GRIN3A: variants seen among roughly 807,000 people sequenced by gnomAD.
GRIN3A encodes the protein glutamate receptor ionotropic, NMDA 3A.
In GRIN3A, 47 loss-of-function variants were observed where a neutral mutation model predicts 92.4. That is an observed-to-expected ratio of 0.51 (90% CI 0.40 to 0.65). The LOEUF is 0.65. GRIN3A is among the 30% of genes least tolerant of loss of function. The pLI, the probability that GRIN3A is intolerant of heterozygous loss-of-function variation, is 0.00. For synonymous variants in GRIN3A, 527 were observed against 540.6 expected (o/e 0.97, Z 0.35); for missense variants, 1,324 against 1,393.1 (o/e 0.95, Z 0.79).
chr9:101,676,848 A>C (rs1829403120), intron 2 of GRIN3A, among the ~76,000 whole-genome samples: 1 of 147,812 alleles, frequency 6.8e-6, no homozygotes, highest in Non-Finnish European at 1.5e-5. Flanking sequence ...AATATTCTTA[A>C]ACCTTCCCCT....
intron 6 of GRIN3A, among the ~76,000 whole-genome samples, chr9:101,610,028 A>G (rs531236714): frequency 6.0e-4 from 92 of 152,314 alleles, no homozygotes; most frequent in African/African-American, 2.2e-3. Context: ...GAATCACTTG[A>G]AGATGTTGAC....
chr9:101,626,906 C>T (rs1828640902), intron 4 of GRIN3A, among the ~76,000 whole-genome samples: 1 of 152,272 alleles, frequency 6.6e-6, no homozygotes, highest in Admixed American at 6.5e-5. Context: ...AGATTGCTTC[C>T]CTTCAGGCTA....
chr9:101,652,619 G>C lies in GRIN3A; in HGVS notation c.2352+17441C>G, dbSNP rs145535366. 2.5e-4 allele frequency among the ~76,000 whole-genome samples: 38 copies of C among 152,066 alleles called. No individual in the cohort carries two copies. In the East Asian group the frequency reaches 7.4e-3, roughly 30 times the overall value. On this transcript the variant is annotated intron_variant, in intron 3 of 8. Coordinates refer to ENST00000361820, the MANE Select transcript of GRIN3A (RefSeq NM_133445.3). ...CAAAAAATCCCAGGCAGTAAGCCCT[G>C]TATAATGCCCTGCAGCTGTAGTTTT...
intron 6 of GRIN3A, among the ~76,000 whole-genome samples, chr9:101,589,442 G>A (rs1481915570): frequency 2.0e-5 from 3 of 152,058 alleles, no homozygotes; most frequent in Non-Finnish European, 4.4e-5. Flanking sequence ...TGCCTAGAAG[G>A]CTTCTATTTT....
intron 1 of GRIN3A, among the ~76,000 whole-genome samples, chr9:101,723,192 G>A (rs968724756): frequency 3.9e-5 from 6 of 152,330 alleles, no homozygotes; most frequent in Non-Finnish European, 7.3e-5. Flanking sequence ...CCCTCGCGGT[G>A]AGTGTTACAG....
chr9:101,595,016 TG>T, intron 6 of GRIN3A: 2 of 1,333,642 alleles, frequency 1.5e-6, no homozygotes, highest in Non-Finnish European at 2.0e-6. Flanking sequence ...GGTTGGGCCA[TG>T]GGGTGGGGGT....
chr9:101,599,092 G>T (rs371162701), intron 6 of GRIN3A, among the ~76,000 whole-genome samples: 5 of 152,192 alleles, frequency 3.3e-5, no homozygotes, highest in African/African-American at 1.2e-4. Flanking sequence ...TACCTTATTA[G>T]CTGTGAGCCT....
At chr9:101,689,974 G>T (rs1469816503) in intron 1 of GRIN3A, among the ~76,000 whole-genome samples, 1 of 152,052 alleles carries the variant, frequency 6.6e-6, no homozygotes, top group African/African-American at 2.4e-5. Flanking sequence ...TTTCCATATT[G>T]TTTTTCTCCT....
chr9:101,690,199 AT>A (rs1829597197), intron 1 of GRIN3A, among the ~76,000 whole-genome samples: 2 of 152,162 alleles, frequency 1.3e-5, no homozygotes, highest in African/African-American at 4.8e-5. Flanking sequence ...ATTATGGTAT[AT>A]TATTTATATT....
intron 6 of GRIN3A, among the ~76,000 whole-genome samples, chr9:101,602,048 C>T (rs1343101546): frequency 6.6e-6 from 1 of 152,114 alleles, no homozygotes; most frequent in Non-Finnish European, 1.5e-5. Context: ...CGTGCATTGG[C>T]TTCCCTGGCC....
At chr9:101,623,248 T>C in intron 5 of GRIN3A, 70 bp downstream of exon 5, 1 of 1,012,068 alleles carries the variant, frequency 9.9e-7, no homozygotes, top group Non-Finnish European at 1.6e-6. Context: ...ACTTTGGCAT[T>C]TGTGACTTTC....
chr9:101,727,545 T>G, intron 1 of GRIN3A, among the ~76,000 whole-genome samples: 1 of 152,102 alleles, frequency 6.6e-6, no homozygotes, highest in South Asian at 2.1e-4. Context: ...GACTCTACAT[T>G]TCTAAAGTTA....
chr9:101,637,402 G>A (rs1324761797), intron 3 of GRIN3A, among the ~76,000 whole-genome samples: 1 of 152,158 alleles, frequency 6.6e-6, no homozygotes, highest in African/African-American at 2.4e-5. Flanking sequence ...TTTACAGGTG[G>A]GAGCTAGGGC....
chr9:101,674,258 A>G (rs997095689), intron 2 of GRIN3A, among the ~76,000 whole-genome samples: 5 of 152,036 alleles, frequency 3.3e-5, no homozygotes, highest in African/African-American at 1.2e-4. Flanking sequence ...TTAATTTTAC[A>G]ATGATTTTTT....
intron 1 of GRIN3A, among the ~76,000 whole-genome samples, chr9:101,707,598 T>C (rs190501958): frequency 2.0e-3 from 301 of 152,360 alleles, no homozygotes; most frequent in African/African-American, 6.6e-3. Context: ...CACTCATCTC[T>C]ATAGTTTAAG....
chr9:101,694,073 T>A (rs1288610955), intron 1 of GRIN3A, among the ~76,000 whole-genome samples: 2 of 152,156 alleles, frequency 1.3e-5, no homozygotes, highest in East Asian at 3.8e-4. Context: ...CCCTGCATGG[T>A]GCAGTTGACA....
At chr9:101,729,283 A>G (rs768859146) in intron 1 of GRIN3A, among the ~76,000 whole-genome samples, 3 of 152,160 alleles carry the variant, frequency 2.0e-5, no homozygotes, top group Non-Finnish European at 4.4e-5. Flanking sequence ...GTGATTTAAA[A>G]CAACACACAC....
chr9:101,736,823 C>G (rs1830211732), intron 1 of GRIN3A, among the ~76,000 whole-genome samples: 1 of 152,168 alleles, frequency 6.6e-6, no homozygotes, highest in African/African-American at 2.4e-5. Flanking sequence ...AGAGCAGATG[C>G]TGCTTTTCCG....
In GRIN3A at chr9:101,695,587, G is replaced by C. The variant is rs547137201; in HGVS notation, c.700-8387C>G. The stretch of plus-strand genomic sequence containing the variant: ...AAAGGACCATAGATGAGTGGAAAGA[G>C]AGGAGGTGGCTGGAAATGTGACAGC... On this transcript the variant is annotated intron_variant, in intron 1 of 8. Coordinates refer to ENST00000361820, the MANE Select transcript of GRIN3A (RefSeq NM_133445.3). Among the ~76,000 whole-genome samples the C allele has an allele frequency of 6.6e-5, 10 of 152,260 alleles. 1 individual carries two copies. The East Asian group carries it at 1.9e-3, about 29-fold the overall frequency.
Sources: gnomAD v4.1 joint callset for allele counts (sites outside exome capture counted in the v4.1 genomes callset) on GRCh38, gnomAD v4.1.1 for gene constraint, MANE v1.5 for transcripts, NCBI Gene and HGNC (gene_info 2026-07-23, HGNC 2026-07-21) for gene names.